Variants in E2F7 observed in about 807,000 individuals in gnomAD.
E2F7 encodes the protein E2F transcription factor 7, also known as transcription factor E2F7.
Under a neutral mutation model 81.1 loss-of-function variants are expected in E2F7, and 35 were observed. The ratio of observed to expected loss-of-function variants is 0.43; its 90% CI spans 0.33 to 0.57. E2F7 has a LOEUF of 0.57. Among genes scored for constraint, E2F7 ranks in the 20% least tolerant of loss-of-function variants. E2F7 has a pLI of 0.04. For missense variants in E2F7, 961 were observed against 1,093.7 expected (o/e 0.88, Z 1.71); for synonymous variants, 416 against 416.2 (o/e 1.00, Z 0.01).
intron 2 of E2F7, among the ~76,000 whole-genome samples, chr12:77,061,774 T>A (rs12370766): frequency 0.15 from 22,438 of 152,138 alleles, 1,849 homozygotes; most frequent in South Asian, 0.26. Context: ...CCAAGAAGGA[T>A]CAACTCAGCA....
At chr12:77,034,984 G>A (rs1954836783) in intron 7 of E2F7, among the ~76,000 whole-genome samples, 1 of 152,120 alleles carries the variant, frequency 6.6e-6, no homozygotes, top group South Asian at 2.1e-4. Flanking sequence ...CAGTAATAGG[G>A]GCCATATCTG....
chr12:77,023,729 G>T lies in E2F7; in HGVS notation c.*286C>A, dbSNP rs2279576. 0.42 allele frequency: 123,266 copies of T among 295,508 alleles called. 26,469 individuals are homozygous for T. Among genetic ancestry groups the T allele is most frequent in the Admixed American group, 0.49 (9,765 of 20,034 alleles). 18.3% of individuals were successfully genotyped at this position (295,508 alleles called of 1,614,324 possible). ...CCTTTAGAAAAACAAGGCTCCGGTA[G>T]CCTATTCAGATCTACTTCCAGAATA... On this transcript the variant is annotated 3_prime_UTR_variant, in exon 13 of 13. Coordinates refer to ENST00000322886, the MANE Select transcript of E2F7 (RefSeq NM_203394.3).
At chr12:77,053,475 T>C (rs891940182) in intron 3 of E2F7, among the ~76,000 whole-genome samples, 2 of 152,202 alleles carry the variant, frequency 1.3e-5, no homozygotes, top group Non-Finnish European at 2.9e-5. Flanking sequence ...GGAGTTCAAA[T>C]GGCAAAGGTC....
At chr12:77,053,034 TG>T (rs1955002354) in intron 3 of E2F7, among the ~76,000 whole-genome samples, 1 of 152,144 alleles carries the variant, frequency 6.6e-6, no homozygotes, top group Non-Finnish European at 1.5e-5. Context: ...AGAGAGGATA[TG>T]GGTGACTAAA....
At chr12:77,033,814 C>CAGTG in intron 8 of E2F7, 43 bp downstream of exon 8, 1 of 1,510,130 alleles carries the variant, frequency 6.6e-7, no homozygotes, top group Non-Finnish European at 8.9e-7. Context: ...GCTACAGCTA[C>CAGTG]ATGGCAACTG....
intron 4 of E2F7, among the ~76,000 whole-genome samples, chr12:77,047,401 G>A (rs561749427): frequency 3.3e-5 from 5 of 152,136 alleles, no homozygotes; most frequent in South Asian, 2.1e-4. Context: ...CATGACATTC[G>A]TTATACCTAA....
chr12:77,035,493 A>G (rs1954841684), intron 7 of E2F7, among the ~76,000 whole-genome samples: 1 of 152,216 alleles, frequency 6.6e-6, no homozygotes, highest in Non-Finnish European at 1.5e-5. Flanking sequence ...TAGTGTACTA[A>G]AAAGGGTGTT....
chr12:77,025,633 C>T lies in E2F7; in HGVS notation c.2490G>A (p.Arg830=). The T allele has an allele frequency of 6.2e-7, 1 of 1,614,174 alleles. No individual in the cohort carries two copies. The change falls in exon 12 of 13, where the codon AGG becomes AGA. Residue 830 remains arginine, a synonymous_variant. Coordinates refer to ENST00000322886, the MANE Select transcript of E2F7 (RefSeq NM_203394.3). ...PSLNLSPVMS[R]SHSVVQQPES... Reference sequence around the variant, plus strand: ...CAGGTTGTTGGACGACACTGTGTGACCTTGACATCACTGGACTTAGGTTTA... The same window carrying T: ...CAGGTTGTTGGACGACACTGTGTGATCTTGACATCACTGGACTTAGGTTTA...
Position 77,042,989 on chromosome 12 carries a change from T to C in E2F7, c.1123+76A>G, listed in dbSNP as rs1249549908. 2.5e-6 allele frequency: 4 copies of C among 1,597,032 alleles called. No individual in the cohort carries two copies. The Admixed American group carries it at 6.7e-5, about 27-fold the overall frequency. On this transcript the variant is annotated intron_variant, in intron 7 of 12. Transcript: ENST00000322886. ...TGGGAAAAAGATCAGTCTCACTGTGTAGTAGATGTGAGACTTGGAAAAGGA... is the reference window on the plus strand; with the variant it reads ...TGGGAAAAAGATCAGTCTCACTGTGCAGTAGATGTGAGACTTGGAAAAGGA...
chr12:77,054,989 T>A (rs1955020574), intron 3 of E2F7, among the ~76,000 whole-genome samples: 1 of 151,900 alleles, frequency 6.6e-6, no homozygotes, highest in Non-Finnish European at 1.5e-5. Flanking sequence ...GTGATCCACA[T>A]CAAACATAAG....
chr12:77,038,454 A>T (rs1954871018), intron 7 of E2F7, among the ~76,000 whole-genome samples: 1 of 152,182 alleles, frequency 6.6e-6, no homozygotes, highest in Non-Finnish European at 1.5e-5. Context: ...TCCCTAAGAG[A>T]AAGGTATGTG....
intron 1 of E2F7, among the ~76,000 whole-genome samples, 171 bp downstream of exon 1, chr12:77,065,174 G>A (rs1335563485): frequency 6.6e-6 from 1 of 152,170 alleles, no homozygotes; most frequent in Non-Finnish European, 1.5e-5. Context: ...CTGCCGGGCC[G>A]GAGTGAGAGC....
At position 77,046,233 on chromosome 12, in the gene E2F7, G is replaced by A. The variant is rs770647288; in HGVS notation, c.634C>T (p.Arg212Trp). The change falls in exon 5 of 13, where the codon CGG (arginine) becomes TGG (tryptophan). Residue 212 changes from arginine to tryptophan, a missense_variant. Physicochemically the swap from Arg to Trp is moderately radical, Grantham distance 101 (BLOSUM62 -3). This residue lies in a region of E2F7 where 301 missense variants were observed against 405.0 expected (regional missense o/e 0.74). Transcript: ENST00000322886. ...VAKNQYGWHG[R>W]HSLPKTLRNL... The stretch of plus-strand genomic sequence containing the variant: ...CTCAGGGTTTTTGGCAGGCTGTGCC[G>A]TCCATGCCAGCCATACTGATTCTTA... 97 of 1,614,010 alleles carry A rather than the reference G, an allele frequency of 6.0e-5. No individual in the cohort carries two copies. Among genetic ancestry groups the A allele is most frequent in the African/African-American group, 1.7e-4 (13 of 74,902 alleles).
Position 77,032,398 on chromosome 12 carries a change from G to A in E2F7, c.1382+652C>T, listed in dbSNP as rs554611335. ...TTGGTATCTTCTGCTCCCTGGCCCT[G>A]CCTTGTAATCTGCTTCTTCCCACAT... On this transcript the variant is annotated intron_variant, in intron 9 of 12. Coordinates refer to ENST00000322886, the MANE Select transcript of E2F7 (RefSeq NM_203394.3). Among the ~76,000 whole-genome samples the A allele has an allele frequency of 2.6e-5, 4 of 152,272 alleles. No homozygotes were observed. In the East Asian group the frequency reaches 7.7e-4, roughly 29 times the overall value.
intron 4 of E2F7, among the ~76,000 whole-genome samples, chr12:77,048,113 T>C (rs1287879732): frequency 3.9e-5 from 6 of 152,202 alleles, no homozygotes; most frequent in African/African-American, 1.4e-4. Flanking sequence ...GAGTGTTTAG[T>C]AGGTGCTTTT....
In E2F7 at chr12:77,058,850, C is replaced by T. The variant is rs370751404; in HGVS notation, c.94-2720G>A. Reference sequence around the variant, plus strand: ...AGCACATCATATTGCTATTTAACTTCCAGGATGTGTGTCTTGTCTCAGTAA... The same window carrying T: ...AGCACATCATATTGCTATTTAACTTTCAGGATGTGTGTCTTGTCTCAGTAA... On this transcript the variant is annotated intron_variant, in intron 2 of 12. Coordinates refer to ENST00000322886, the MANE Select transcript of E2F7 (RefSeq NM_203394.3). 6.0e-4 allele frequency among the ~76,000 whole-genome samples: 91 copies of T among 152,316 alleles called. No individual in the cohort carries two copies. In the South Asian group the frequency reaches 0.018, roughly 31 times the overall value.
rs762024256 is a variant in E2F7, at chr12:77,025,958, A to G, written c.2165T>C (p.Leu722Ser). 3 of 1,611,852 alleles carry G rather than the reference A, an allele frequency of 1.9e-6. No individual in the cohort carries two copies. Among genetic ancestry groups the G allele is most frequent in the South Asian group, 2.2e-5 (2 of 90,794 alleles). The change falls in exon 12 of 13, where the codon TTA (leucine) becomes TCA (serine). Residue 722 changes from leucine (L) to serine (S), a missense_variant. Transcript: ENST00000322886. ...PAGLNGFNVLLSGSQTPPTVG... is the reference protein window; with the variant it reads ...PAGLNGFNVLSSGSQTPPTVG... ...AGTAGGGGGGGTTTGACTGCCAGATAAAAGTACATTGAAACCATTTAATCC... is the reference window on the plus strand; with the variant it reads ...AGTAGGGGGGGTTTGACTGCCAGATGAAAGTACATTGAAACCATTTAATCC...
chr12:77,063,097 AT>A (rs1955090818), intron 2 of E2F7, among the ~76,000 whole-genome samples: 1 of 152,084 alleles, frequency 6.6e-6, no homozygotes, highest in Non-Finnish European at 1.5e-5. Context: ...TGTCCAGCGT[AT>A]TTGCACGGTA....
Position 77,024,100 on chromosome 12 carries a change from A to G in E2F7, c.2651T>C (p.Val884Ala). 1 of 1,613,836 alleles carries G rather than the reference A, an allele frequency of 6.2e-7. No homozygotes were observed. Among genetic ancestry groups the G allele is most frequent in the Non-Finnish European group, 8.5e-7 (1 of 1,179,968 alleles). ...FKTPGSLGDP[V>A]LKRRERNQSR... The stretch of plus-strand genomic sequence containing the variant: ...CTGGTTCCTTTCTCTTCTCTTCAGG[A>G]CAGGGTCTCCAAGGCTGCCGGGTGT... The change falls in exon 13 of 13, where the codon GTC becomes GCC. Residue 884 changes from valine to alanine, a missense_variant. Val to Ala is a moderately conservative substitution (Grantham distance 64, BLOSUM62 0). Transcript: ENST00000322886.
Sources: allele counts gnomAD v4.1 joint callset (sites outside exome capture counted in the v4.1 genomes callset), GRCh38; gene constraint gnomAD v4.1.1; regional missense constraint gnomAD v4.1.1; transcripts MANE v1.5; gene names NCBI Gene and HGNC (gene_info 2026-07-23, HGNC 2026-07-21).